ZBTB45: variants seen among roughly 807,000 people sequenced by gnomAD.
ZBTB45 encodes zinc finger and BTB domain containing 45, also known as zinc finger and BTB domain-containing protein 45.
In ZBTB45, 22 loss-of-function variants were observed where a neutral mutation model predicts 28.4. That is an observed-to-expected ratio of 0.77 (90% CI 0.55 to 1.10). The LOEUF is 1.10. Among genes scored for constraint, ZBTB45 ranks in the 50% least tolerant of loss-of-function variants. The pLI is 0.00. For missense variants in ZBTB45, 656 were observed against 750.2 expected (o/e 0.87, Z 1.47); for synonymous variants, 361 against 332.3 (o/e 1.09, Z -0.94).
At chr19:58,517,729 C>T (rs2053531131) in intron 1 of ZBTB45, 56 bp from the exon 2 acceptor site, 1 of 1,518,766 alleles carries the variant, frequency 6.6e-7, no homozygotes, top group Non-Finnish European at 9.0e-7. Flanking sequence ...CCATCTGTCC[C>T]AACGTCCCTG....
chr19:58,513,990 C>T lies in ZBTB45; in HGVS notation c.*64G>A. On this transcript the variant is annotated 3_prime_UTR_variant, in exon 3 of 3. Coordinates refer to ENST00000594051, the MANE Select transcript of ZBTB45 (RefSeq NM_001316979.2). ...GTGGCGGGAACCACGGGTCCCGCAG[C>T]GGGCGTGGCCGACTGTGCGGGAGGC... 1 of 1,347,916 alleles carries T rather than the reference C, an allele frequency of 7.4e-7. No homozygotes were observed. Among genetic ancestry groups the T allele is most frequent in the Non-Finnish European group, 9.5e-7 (1 of 1,055,478 alleles). The allele number at this position is 1,347,916 out of a possible 1,614,324, so 83.5% of individuals were successfully genotyped here.
At chr19:58,519,305 G>C (rs2053555811) in intron 1 of ZBTB45, 1 of 152,314 alleles carries the variant, frequency 6.6e-6, no homozygotes, top group African/African-American at 2.4e-5. Flanking sequence ...CGATGGGGAC[G>C]GAAACTTGCG....
At chr19:58,525,216 T>C (rs937339518) in intron 1 of ZBTB45, among the ~76,000 whole-genome samples, 2 of 152,150 alleles carry the variant, frequency 1.3e-5, no homozygotes, top group African/African-American at 4.8e-5. Context: ...GCAGTCATAC[T>C]CAAGTCCTTG....
At chr19:58,514,630 C>A (rs1364467945) in intron 2 of ZBTB45, among the ~76,000 whole-genome samples, 5 of 152,036 alleles carry the variant, frequency 3.3e-5, no homozygotes, top group Admixed American at 2.0e-4. Context: ...TGGGATATCA[C>A]TGTGACAGGG....
chr19:58,520,121 G>C (rs1227036950), upstream of ZBTB45: 1 of 152,212 alleles, frequency 6.6e-6, no homozygotes, highest in Non-Finnish European at 1.5e-5. Flanking sequence ...ACGTGTTCTG[G>C]CCAGTTTAAA....
chr19:58,525,404 G>A (rs557844795), intron 1 of ZBTB45, among the ~76,000 whole-genome samples: 2 of 152,218 alleles, frequency 1.3e-5, no homozygotes, highest in Non-Finnish European at 2.9e-5. Context: ...AGATAGCAGC[G>A]GAGGCTGAGG....
chr19:58,538,218 TTTC>T (rs931243261), intron 1 of ZBTB45, among the ~76,000 whole-genome samples: 24 of 151,612 alleles, frequency 1.6e-4, no homozygotes, highest in Non-Finnish European at 3.4e-4. Context: ...TTTCTTTTCT[TTTC>T]TTTTTTTTTT....
rs747504032 is a variant in ZBTB45, at chr19:58,517,659, C to T, written c.15G>A (p.Glu5=). The T allele has an allele frequency of 1.9e-6, 3 of 1,613,142 alleles. No individual in the cohort carries two copies. Among genetic ancestry groups the T allele is most frequent in the African/African-American group, 1.3e-5 (1 of 74,984 alleles). Residue 5 remains glutamate, a synonymous_variant, in exon 2 of 3, where the codon GAG becomes GAA. Coordinates refer to ENST00000594051, the MANE Select transcript of ZBTB45 (RefSeq NM_001316979.2). The part of the protein sequence containing the change: MAAA[E]AVHHIHLQNF... ...TCTGCAGGTGTATGTGATGCACAGC[C>T]TCTGCAGCCGCCATCTGCACAGAAC... is the stretch of plus-strand genomic sequence containing the variant.
At position 58,515,372 on chromosome 19, in the gene ZBTB45, G is replaced by A. The variant is rs981152955; in HGVS notation, c.1279+1023C>T. 3.3e-5 allele frequency among the ~76,000 whole-genome samples: 5 copies of A among 151,044 alleles called. No homozygotes were observed. The highest frequency in any genetic ancestry group is 4.9e-5 in the African/African-American group (2 of 41,138). ...CAGTGGCAGTGGACTGAAAGGCAGT[G>A]CCTGCCAGAGGGTACCCCAGAATAA... On this transcript the variant is annotated intron_variant, in intron 2 of 2. Coordinates refer to ENST00000594051, the MANE Select transcript of ZBTB45 (RefSeq NM_001316979.2). The surrounding 1 kb of genome is among the most constrained non-coding windows in gnomAD (Gnocchi z 4.7).
At chr19:58,538,228 T>C (rs2053671417) in intron 1 of ZBTB45, among the ~76,000 whole-genome samples, 2 of 152,156 alleles carry the variant, frequency 1.3e-5, no homozygotes, top group East Asian at 1.9e-4. Flanking sequence ...TTTCTTTTTT[T>C]TTTAAAGACA....
At chr19:58,534,407 T>G (rs1050208021) in intron 1 of ZBTB45, among the ~76,000 whole-genome samples, 2 of 152,050 alleles carry the variant, frequency 1.3e-5, no homozygotes, top group African/African-American at 4.8e-5. Context: ...ATTATTATTA[T>G]TTTTTGAGAC....
chr19:58,526,389 T>C (rs1212831850), intron 1 of ZBTB45, among the ~76,000 whole-genome samples: 2 of 151,588 alleles, frequency 1.3e-5, no homozygotes, highest in Admixed American at 1.3e-4. Context: ...TTTGTATTTT[T>C]AGTGGAGACG....
rs751024222 is a variant in ZBTB45, at chr19:58,514,060, C to A, written c.1530G>T (p.Ala510=). ...LLERHLAAHP[A]P ...AGGCCAGGCCCCAGCGCCATCAGGG[C>A]GCAGGGTGCGCCGCCAGGTGGCGCT... Residue 510 remains alanine (A), a synonymous_variant, in exon 3 of 3, where the codon GCG becomes GCT. Coordinates refer to ENST00000594051, the MANE Select transcript of ZBTB45 (RefSeq NM_001316979.2). 1.2e-5 allele frequency: 18 copies of A among 1,479,794 alleles called. 1 individual carries two copies. In the South Asian group the frequency reaches 2.3e-4, roughly 19 times the overall value. 91.7% of individuals were successfully genotyped at this position (1,479,794 alleles called of 1,614,324 possible).
intron 1 of ZBTB45, among the ~76,000 whole-genome samples, chr19:58,526,888 C>T (rs1407693487): frequency 6.6e-6 from 1 of 152,094 alleles, no homozygotes; most frequent in African/African-American, 2.4e-5. Context: ...AGTGCAGCAG[C>T]ATGATCACGG....
chr19:58,524,435 A>ATGTGTGTG (rs56704623), upstream of ZBTB45, among the ~76,000 whole-genome samples: 5,930 of 138,212 alleles, frequency 0.043, 179 homozygotes, highest in East Asian at 0.099. Flanking sequence ...GTGTTCATAT[A>ATGTGTGTG]TGTGTGTGTG....
At chr19:58,523,402 C>T (rs560864207), upstream of ZBTB45, among the ~76,000 whole-genome samples, 12 of 150,888 alleles carry the variant, frequency 8.0e-5, no homozygotes, top group South Asian at 6.3e-4. Context: ...AAAAATTGGC[C>T]GAGCACGGTG....
At chr19:58,526,395 A>T (rs1026127386) in intron 1 of ZBTB45, among the ~76,000 whole-genome samples, 1 of 151,412 alleles carries the variant, frequency 6.6e-6, no homozygotes, top group Admixed American at 6.6e-5. Flanking sequence ...TTTTTAGTGG[A>T]GACGGGGTTT....
chr19:58,519,725 T>TGCCCATTCGA lies in ZBTB45; in HGVS notation c.-1+7_-1+16dup, dbSNP rs2053561938. The stretch of plus-strand genomic sequence containing the variant: ...CCTCGCCCGCCCTGCGGCAGGGGGA[T>TGCCCATTCGA]GCCCATTCGACCCCACCTCCGACTC... On this transcript the variant is annotated intron_variant, in intron 1 of 2. Coordinates refer to ENST00000594051, the MANE Select transcript of ZBTB45 (RefSeq NM_001316979.2). The TGCCCATTCGA allele has an allele frequency of 6.6e-6, 1 of 152,602 alleles. No homozygotes were observed. Among genetic ancestry groups the TGCCCATTCGA allele is most frequent in the African/African-American group, 2.4e-5 (1 of 41,476 alleles). 9.5% of individuals were successfully genotyped at this position (152,602 alleles called of 1,614,324 possible).
At chr19:58,518,672 CA>C in intron 1 of ZBTB45, among the ~76,000 whole-genome samples, 1 of 152,098 alleles carries the variant, frequency 6.6e-6, no homozygotes, top group Non-Finnish European at 1.5e-5. Context: ...CTCCATCCAT[CA>C]AGCAGGTAAA....
Sources: gnomAD v4.1 joint callset for allele counts (sites outside exome capture counted in the v4.1 genomes callset) on GRCh38, gnomAD v4.1.1 for gene constraint, Gnocchi (gnomAD v3.1) non-coding constraint, MANE v1.5 for transcripts, NCBI Gene and HGNC (gene_info 2026-07-23, HGNC 2026-07-21) for gene names.